UCHL3: variants seen among roughly 807,000 people sequenced by gnomAD.
UCHL3 encodes the protein ubiquitin carboxyl-terminal hydrolase isozyme L3.
Under a neutral mutation model 35.8 loss-of-function variants are expected in UCHL3, and 22 were observed. The observed-to-expected ratio is 0.61, with a 90% CI of 0.44 to 0.88. The LOEUF is 0.88. UCHL3 is among the 40% of genes least tolerant of loss of function. UCHL3 has a pLI of 0.00. For synonymous variants in UCHL3, 90 were observed against 92.8 expected (o/e 0.97, Z 0.17); for missense variants, 229 against 276.9 (o/e 0.83, Z 1.23).
chr13:75,589,972 G>T, intron 6 of UCHL3: 1 of 1,304,620 alleles, frequency 7.7e-7, no homozygotes, highest in Non-Finnish European at 1.0e-6. Context: ...CCTCATTCTA[G>T]CCACTGCAGA....
chr13:75,551,134 A>G (rs569269991), intron 2 of UCHL3, among the ~76,000 whole-genome samples: 31 of 152,326 alleles, frequency 2.0e-4, no homozygotes, highest in African/African-American at 7.5e-4. Flanking sequence ...ACATAAACAT[A>G]AAAGAGGGGA....
intron 6 of UCHL3, among the ~76,000 whole-genome samples, chr13:75,583,696 A>T (rs1453846079): frequency 6.6e-6 from 1 of 152,228 alleles, no homozygotes; most frequent in Non-Finnish European, 1.5e-5. Context: ...CCAGAAACAA[A>T]CTAAAGGTGC....
intron 6 of UCHL3, among the ~76,000 whole-genome samples, chr13:75,584,158 A>G (rs1236519060): frequency 6.6e-6 from 1 of 152,196 alleles, no homozygotes; most frequent in Admixed American, 6.6e-5. Flanking sequence ...CCACTGGAGG[A>G]AAAGACCCCT....
At chr13:75,585,568 A>G (rs2032300768) in intron 6 of UCHL3, among the ~76,000 whole-genome samples, 1 of 152,166 alleles carries the variant, frequency 6.6e-6, no homozygotes, top group Non-Finnish European at 1.5e-5. Context: ...TTGGAGCTAT[A>G]CAAAGATTTA....
At chr13:75,578,861 T>A (rs1195727036) in intron 6 of UCHL3, among the ~76,000 whole-genome samples, 1 of 152,044 alleles carries the variant, frequency 6.6e-6, no homozygotes, top group Non-Finnish European at 1.5e-5. Context: ...TACATGTGTG[T>A]GTTTGTGTGG....
intron 7 of UCHL3, among the ~76,000 whole-genome samples, chr13:75,604,074 C>T (rs1400379812): frequency 2.0e-5 from 3 of 151,842 alleles, no homozygotes; most frequent in Non-Finnish European, 2.9e-5. Context: ...ACCATGGAAT[C>T]GTAGAAGGGG....
intron 7 of UCHL3, among the ~76,000 whole-genome samples, chr13:75,601,808 T>A (rs949140906): frequency 6.6e-6 from 1 of 152,188 alleles, no homozygotes; most frequent in Non-Finnish European, 1.5e-5. Flanking sequence ...TGTACATTTT[T>A]AAAAAGTTTT....
intron 2 of UCHL3, among the ~76,000 whole-genome samples, chr13:75,552,215 A>G (rs2031137299): frequency 6.6e-6 from 1 of 152,216 alleles, no homozygotes; most frequent in Non-Finnish European, 1.5e-5. Flanking sequence ...ATAACTAAAA[A>G]TTTTGTGGTT....
chr13:75,605,836 AAACTGTATTATTTGC>A lies in UCHL3; in HGVS notation c.*29_*43del. The A allele has an allele frequency of 6.2e-7, 1 of 1,608,916 alleles. No homozygotes were observed. Among genetic ancestry groups the A allele is most frequent in the Non-Finnish European group, 8.5e-7 (1 of 1,177,468 alleles). ...AGCTTGTCAATAATGGAAACACCAAAAACTGTATTATTTGCAACTAAATTTTCTCTGCCATACACT... is the reference window on the plus strand; with the variant it reads ...AGCTTGTCAATAATGGAAACACCAAAAACTAAATTTTCTCTGCCATACACT... On this transcript the variant is annotated 3_prime_UTR_variant, in exon 9 of 9. Transcript: ENST00000377595.
intron 7 of UCHL3, among the ~76,000 whole-genome samples, chr13:75,598,331 C>T (rs1466906011): frequency 6.6e-6 from 1 of 152,184 alleles, no homozygotes; most frequent in Non-Finnish European, 1.5e-5. Flanking sequence ...TGGATACTCT[C>T]CTACATAACT....
intron 3 of UCHL3, 148 bp downstream of exon 3, chr13:75,561,029 C>G: frequency 4.7e-6 from 3 of 642,904 alleles, no homozygotes; most frequent in Non-Finnish European, 7.1e-6. Context: ...CTCCCAGGCT[C>G]AAGCGATCCT....
intron 7 of UCHL3, 111 bp downstream of exon 7, chr13:75,595,101 G>A: frequency 4.0e-6 from 3 of 750,542 alleles, no homozygotes; most frequent in South Asian, 5.0e-5. Context: ...TTAACTGGTT[G>A]CCTATAAAAT....
chr13:75,592,429 T>TACATATAC (rs1555276721), intron 6 of UCHL3, among the ~76,000 whole-genome samples: 29 of 85,532 alleles, frequency 3.4e-4, no homozygotes, highest in African/African-American at 1.2e-3. Context: ...TATATATATA[T>TACATATAC]ATATATATAT....
intron 2 of UCHL3, among the ~76,000 whole-genome samples, chr13:75,560,066 A>G (rs1264410528): frequency 1.3e-5 from 2 of 152,196 alleles, no homozygotes; most frequent in Admixed American, 6.5e-5. Context: ...AGTAGAGGCC[A>G]GGAAGCCAGT....
intron 6 of UCHL3, among the ~76,000 whole-genome samples, chr13:75,575,737 TCAAA>T (rs890585889): frequency 2.2e-4 from 34 of 152,140 alleles, no homozygotes; most frequent in African/African-American, 7.7e-4. Flanking sequence ...ACCCCCACCT[TCAAA>T]CAAACACTTT....
intron 7 of UCHL3, among the ~76,000 whole-genome samples, chr13:75,601,090 A>G (rs998645464): frequency 9.9e-5 from 15 of 152,192 alleles, no homozygotes; most frequent in Admixed American, 7.2e-4. Flanking sequence ...ATGTGACTGA[A>G]CTGCTGCAAT....
At chr13:75,562,399 C>G (rs1196481957) in intron 3 of UCHL3, among the ~76,000 whole-genome samples, 1 of 152,114 alleles carries the variant, frequency 6.6e-6, no homozygotes, top group Admixed American at 6.5e-5. Flanking sequence ...TGATTACTGA[C>G]ATTTGTAGAA....
intron 4 of UCHL3, 94 bp downstream of exon 4, chr13:75,566,945 A>G (rs1353222199): frequency 2.9e-6 from 4 of 1,366,302 alleles, no homozygotes; most frequent in Middle Eastern, 1.9e-4. Flanking sequence ...TCTTCAAACT[A>G]TAAAATAAAG....
chr13:75,568,479 A>G (rs942228937), intron 5 of UCHL3, among the ~76,000 whole-genome samples: 4 of 151,696 alleles, frequency 2.6e-5, no homozygotes, highest in African/African-American at 9.7e-5. Flanking sequence ...GGGAGTGTAT[A>G]TATATATACA....
Sources: gnomAD v4.1 joint callset for allele counts (sites outside exome capture counted in the v4.1 genomes callset) on GRCh38, gnomAD v4.1.1 for gene constraint, MANE v1.5 for transcripts, NCBI Gene and HGNC (gene_info 2026-07-23, HGNC 2026-07-21) for gene names.